CNTNAP5: variants seen among roughly 807,000 people sequenced by gnomAD.
The protein encoded by CNTNAP5 is contactin associated protein family member 5.
Under a neutral mutation model 150.2 loss-of-function variants are expected in CNTNAP5, and 72 were observed. The ratio of observed to expected loss-of-function variants is 0.48; its 90% CI spans 0.40 to 0.58. The LOEUF (loss-of-function observed/expected upper bound fraction) is 0.58, where lower values mean the gene tolerates loss of function less well. CNTNAP5 is among the 20% of genes least tolerant of loss of function. CNTNAP5 has a pLI of 0.00. For missense variants in CNTNAP5, 1,636 were observed against 1,626.2 expected (o/e 1.01, Z -0.10); for synonymous variants, 672 against 619.8 (o/e 1.08, Z -1.25).
At chr2:124,700,711 A>G (rs536048326) in intron 13 of CNTNAP5, among the ~76,000 whole-genome samples, 7 of 152,156 alleles carry the variant, frequency 4.6e-5, no homozygotes, top group South Asian at 2.1e-4. Flanking sequence ...TAATCTATAT[A>G]CTAGGCCCTT....
At chr2:124,227,000 T>C (rs1259051555) in intron 2 of CNTNAP5, among the ~76,000 whole-genome samples, 1 of 152,148 alleles carries the variant, frequency 6.6e-6, no homozygotes, top group East Asian at 1.9e-4. Context: ...ACTCATGAGC[T>C]AATCAATCAT....
chr2:124,905,795 C>T (rs1217346358), intron 22 of CNTNAP5, among the ~76,000 whole-genome samples: 1 of 152,106 alleles, frequency 6.6e-6, no homozygotes, highest in East Asian at 1.9e-4. Context: ...GGTAGGCAAG[C>T]TTGAGCCAGT....
intron 1 of CNTNAP5, among the ~76,000 whole-genome samples, chr2:124,104,913 C>T (rs1323268557): frequency 6.6e-6 from 1 of 152,132 alleles, no homozygotes; most frequent in East Asian, 1.9e-4. Context: ...ATATTATACA[C>T]AGTTAGAAAT....
intron 13 of CNTNAP5, among the ~76,000 whole-genome samples, chr2:124,725,853 T>C (rs1253614029): frequency 6.6e-6 from 1 of 152,062 alleles, no homozygotes; most frequent in East Asian, 1.9e-4. Flanking sequence ...TAGCATAATG[T>C]CCTCCAGATT....
intron 3 of CNTNAP5, among the ~76,000 whole-genome samples, chr2:124,310,890 G>C (rs1688812272): frequency 6.6e-6 from 1 of 152,132 alleles, no homozygotes; most frequent in African/African-American, 2.4e-5. Flanking sequence ...AGCAGCCCCA[G>C]GGCCTTGTGC....
intron 3 of CNTNAP5, among the ~76,000 whole-genome samples, chr2:124,391,905 G>A (rs923139236): frequency 2.0e-5 from 3 of 152,056 alleles, no homozygotes; most frequent in Admixed American, 2.0e-4. Flanking sequence ...GCAGTGAGCC[G>A]AGATCGCGCC....
intron 13 of CNTNAP5, among the ~76,000 whole-genome samples, chr2:124,668,310 G>A (rs537824816): frequency 1.3e-5 from 2 of 152,348 alleles, no homozygotes; most frequent in African/African-American, 4.8e-5. Context: ...CCCTGAGGGA[G>A]GCATAAGTGG....
chr2:124,369,739 A>C (rs1690471279), intron 3 of CNTNAP5, among the ~76,000 whole-genome samples: 1 of 152,308 alleles, frequency 6.6e-6, no homozygotes, highest in Admixed American at 6.5e-5. Flanking sequence ...GTATGTATGC[A>C]TATGTCACAT....
rs540337316 is a variant in CNTNAP5 at position 124,387,261 on chromosome 2, C to T, written c.382-30182C>T. Among the ~76,000 whole-genome samples the T allele has an allele frequency of 2.6e-5, 4 of 152,312 alleles. No homozygotes were observed. The South Asian group carries it at 8.3e-4, about 32-fold the overall frequency. Reference sequence around the variant, plus strand: ...TTCTGCTGGGGATAGCAAAGCCATGCTTAGGCTATTTTGGCTAAGATGCCC... The same window carrying T: ...TTCTGCTGGGGATAGCAAAGCCATGTTTAGGCTATTTTGGCTAAGATGCCC... On this transcript the variant is annotated intron_variant, in intron 3 of 23. Transcript: ENST00000682447.
intron 11 of CNTNAP5, among the ~76,000 whole-genome samples, chr2:124,609,583 TAA>T (rs1456684149): frequency 1.3e-5 from 2 of 151,050 alleles, no homozygotes; most frequent in South Asian, 4.2e-4. Context: ...CAAATAATAA[TAA>T]AAAGAGAGAG....
Position 124,065,245 on chromosome 2 carries a change from T to C in CNTNAP5, c.82+39513T>C, listed in dbSNP as rs188663866. ...AGTTACTGAATGTTCTGTTTTAGAG[T>C]TGAACAAATAAATGGCCAGAGATTG... On this transcript the variant is annotated intron_variant, in intron 1 of 23. Coordinates refer to ENST00000682447, the MANE Select transcript of CNTNAP5 (RefSeq NM_001367498.1). Among the ~76,000 whole-genome samples the C allele has an allele frequency of 1.2e-3, 180 of 152,176 alleles. 2 individuals carry two copies. The highest frequency in any genetic ancestry group is 1.5e-3 in the Non-Finnish European group (101 of 67,994).
chr2:124,878,987 A>G (rs1007422340), intron 21 of CNTNAP5, among the ~76,000 whole-genome samples: 2 of 151,954 alleles, frequency 1.3e-5, no homozygotes, highest in African/African-American at 4.8e-5. Flanking sequence ...CTGGCCAATA[A>G]TACTTTTGAT....
chr2:124,546,300 G>C (rs1329678065), intron 10 of CNTNAP5, among the ~76,000 whole-genome samples: 2 of 151,984 alleles, frequency 1.3e-5, no homozygotes, highest in Non-Finnish European at 2.9e-5. Context: ...TGTTTTCTTT[G>C]TTCAAATTAG....
intron 1 of CNTNAP5, among the ~76,000 whole-genome samples, chr2:124,150,701 G>C (rs1414851227): frequency 6.6e-6 from 1 of 152,080 alleles, no homozygotes; most frequent in Non-Finnish European, 1.5e-5. Flanking sequence ...AAGAGAACAA[G>C]CTGTCTCTTG....
Position 124,025,453 on chromosome 2 carries a change from C to T in CNTNAP5, c.-198C>T. On this transcript the variant is annotated 5_prime_UTR_variant, in exon 1 of 24. Coordinates refer to ENST00000682447, the MANE Select transcript of CNTNAP5 (RefSeq NM_001367498.1). ...GCGGCTGTTGCGGGGACCGTAGCCCCAGCTGCAGCTCCGAAGAATCCCCCG... is the reference window on the plus strand; with the variant it reads ...GCGGCTGTTGCGGGGACCGTAGCCCTAGCTGCAGCTCCGAAGAATCCCCCG... The T allele has an allele frequency of 1.7e-6, 1 of 600,324 alleles. No homozygotes were observed. The highest frequency in any genetic ancestry group is 3.0e-6 in the Non-Finnish European group (1 of 335,586). 37.2% of individuals were successfully genotyped at this position (600,324 alleles called of 1,614,324 possible).
At chr2:124,210,746 A>G (rs1010867073) in intron 1 of CNTNAP5, among the ~76,000 whole-genome samples, 13 of 152,144 alleles carry the variant, frequency 8.5e-5, no homozygotes, top group African/African-American at 3.1e-4. Context: ...TTTTGTTTTT[A>G]AACTATTTTG....
At chr2:124,534,477 G>T (rs1231676512) in intron 10 of CNTNAP5, among the ~76,000 whole-genome samples, 4 of 152,118 alleles carry the variant, frequency 2.6e-5, no homozygotes, top group Non-Finnish European at 5.9e-5. Flanking sequence ...AGAACTGAGG[G>T]TTCTTGCCCT....
chr2:124,716,369 C>G (rs1679944836), intron 13 of CNTNAP5, among the ~76,000 whole-genome samples: 1 of 151,970 alleles, frequency 6.6e-6, no homozygotes. Flanking sequence ...TCTCAAAATG[C>G]ATGATGAAAA....
chr2:124,621,469 T>C (rs2104997378), intron 12 of CNTNAP5, among the ~76,000 whole-genome samples: 1 of 152,342 alleles, frequency 6.6e-6, no homozygotes, highest in South Asian at 2.1e-4. Context: ...TATGATGCTC[T>C]GTTTCTCACT....
Sources: allele counts gnomAD v4.1 joint callset (sites outside exome capture counted in the v4.1 genomes callset), GRCh38; gene constraint gnomAD v4.1.1; transcripts MANE v1.5; gene names NCBI Gene and HGNC (gene_info 2026-07-23, HGNC 2026-07-21).